The following ALG6 variants were observed in gnomAD, a reference collection of about 807,000 sequenced individuals.
The protein encoded by ALG6 is dolichyl pyrophosphate Man9GlcNAc2 alpha-1,3-glucosyltransferase.
In ALG6, 46 loss-of-function variants were observed where a neutral mutation model predicts 66.6. That is an observed-to-expected ratio of 0.69 (90% confidence interval 0.55 to 0.88). The LOEUF is 0.88. Among genes scored for constraint, ALG6 ranks in the 40% least tolerant of loss-of-function variants. The pLI, the probability that ALG6 is intolerant of heterozygous loss-of-function variation, is 0.00. For missense variants in ALG6, 505 were observed against 586.8 expected, an observed-to-expected ratio of 0.86 and a Z score of 1.44; for synonymous variants, 185 against 203.7, an observed-to-expected ratio of 0.91 and a Z score of 0.78.
At chr1:63,404,044 T>A (rs1644478527) in intron 4 of ALG6, among the ~76,000 whole-genome samples, 1 of 152,242 alleles carries the variant, frequency 6.6e-6, no homozygotes, top group Non-Finnish European at 1.5e-5. Context: ...CAGTGATTTA[T>A]GATTATTATA....
intron 12 of ALG6, among the ~76,000 whole-genome samples, chr1:63,422,146 T>G (rs1404106557): frequency 3.9e-5 from 2 of 51,792 alleles, no homozygotes; most frequent in Admixed American, 6.4e-4. Context: ...TAAATATATA[T>G]AAATATAAAT....
At position 63,402,258 on chromosome 1, in the gene ALG6, T is replaced by G; in HGVS notation, c.172T>G (p.Phe58Val). The G allele has an allele frequency of 6.3e-7, 1 of 1,596,828 alleles. No individual in the cohort carries two copies. The highest frequency in any genetic ancestry group is 8.6e-7 in the Non-Finnish European group (1 of 1,164,610). Residue 58 changes from phenylalanine to valine, a missense_variant, in exon 4 of 15, where the codon TTT becomes GTT. Coordinates refer to ENST00000263440, the MANE Select transcript of ALG6 (RefSeq NM_013339.4). ...TCTTCTTTTTTTCTTTTTCAGGTAT[T>G]TTAACAGCAGTGATAACAATTTACA... ...TFNLPVKQWY[F>V]NSSDNNLQYW...
At chr1:63,385,491 G>A (rs554038586) in intron 2 of ALG6, among the ~76,000 whole-genome samples, 2 of 152,200 alleles carry the variant, frequency 1.3e-5, no homozygotes, top group South Asian at 4.1e-4. Context: ...CATTACAGGC[G>A]TGAGCCACCA....
At chr1:63,368,412 A>G (rs1410718888) in intron 1 of ALG6, among the ~76,000 whole-genome samples, 1 of 152,176 alleles carries the variant, frequency 6.6e-6, no homozygotes, top group Non-Finnish European at 1.5e-5. Context: ...CTGTTCTACA[A>G]GTGGGGAACA....
At chr1:63,424,537 A>C (rs2100436021) in intron 12 of ALG6, among the ~76,000 whole-genome samples, 1 of 151,636 alleles carries the variant, frequency 6.6e-6, no homozygotes, top group Non-Finnish European at 1.5e-5. Flanking sequence ...ATTTGCAAAT[A>C]TTTTCTCCCA....
chr1:63,415,081 G>A (rs1436339915), intron 10 of ALG6, among the ~76,000 whole-genome samples: 1 of 152,188 alleles, frequency 6.6e-6, no homozygotes, highest in Non-Finnish European at 1.5e-5. Context: ...TGAGATGGGT[G>A]TGGCCTCTCT....
intron 7 of ALG6, among the ~76,000 whole-genome samples, chr1:63,408,534 G>A (rs759889626): frequency 3.3e-5 from 5 of 152,156 alleles, no homozygotes; most frequent in Non-Finnish European, 5.9e-5. Context: ...CTTCTTATAA[G>A]TGGAATTGTT....
chr1:63,396,328 C>T (rs1457492408), intron 2 of ALG6, among the ~76,000 whole-genome samples, 185 bp from the exon 3 acceptor site: 2 of 151,934 alleles, frequency 1.3e-5, no homozygotes, highest in Admixed American at 6.6e-5. Flanking sequence ...ATTTGCCCAG[C>T]GTCACTCCAG....
chr1:63,409,776 A>G (rs193174590), intron 7 of ALG6, among the ~76,000 whole-genome samples: 1 of 152,220 alleles, frequency 6.6e-6, no homozygotes. Flanking sequence ...TCTATATATC[A>G]TTGGTCCACT....
At chr1:63,421,910 C>T (rs1019906618) in intron 12 of ALG6, among the ~76,000 whole-genome samples, 1 of 150,432 alleles carries the variant, frequency 6.6e-6, no homozygotes, top group Non-Finnish European at 1.5e-5. Flanking sequence ...GGGAGAAATA[C>T]GTAATGTAGA....
chr1:63,388,511 A>G (rs530625112), intron 2 of ALG6, among the ~76,000 whole-genome samples: 1 of 152,198 alleles, frequency 6.6e-6, no homozygotes, highest in African/African-American at 2.4e-5. Flanking sequence ...TTAACTTTTT[A>G]TTGTTTCTAT....
chr1:63,432,260 G>GT lies in ALG6; in HGVS notation c.1326+3142dup, dbSNP rs57560599. On this transcript the variant is annotated intron_variant, in intron 14 of 14. Coordinates refer to ENST00000263440, the MANE Select transcript of ALG6 (RefSeq NM_013339.4). ...TTTTTCTGCATCTTTGGTCATGTGT[G>GT]TTTTTTTTCTTTTATTCTATTATAT... Among the ~76,000 whole-genome samples the GT allele has an allele frequency of 2.5e-3, 382 of 150,964 alleles. 1 individual carries two copies. The highest frequency in any genetic ancestry group is 4.1e-3 in the Non-Finnish European group (278 of 67,740).
At position 63,411,345 on chromosome 1, in the gene ALG6, A is replaced by T. The variant is rs531280238; in HGVS notation, c.680+14A>T. On this transcript the variant is annotated intron_variant, in intron 8 of 14. Transcript: ENST00000263440. ...CAAAGGAAAGGGGTGAGTGACTTTT[A>T]AACACTAGAATCCAAAAATTTACTT... 35 of 1,611,114 alleles carry T rather than the reference A, an allele frequency of 2.2e-5. No homozygotes were observed. The highest frequency in any genetic ancestry group is 2.9e-5 in the Non-Finnish European group (34 of 1,178,818).
chr1:63,389,259 CT>C (rs1363085057), intron 2 of ALG6, among the ~76,000 whole-genome samples: 2 of 152,050 alleles, frequency 1.3e-5, no homozygotes, highest in Non-Finnish European at 2.9e-5. Context: ...AGGCATGCTT[CT>C]TTTGTCATTC....
intron 2 of ALG6, among the ~76,000 whole-genome samples, chr1:63,385,204 T>C (rs1418125117): frequency 1.2e-4 from 15 of 120,862 alleles, no homozygotes; most frequent in South Asian, 3.0e-4. Flanking sequence ...TTTTTTTTTT[T>C]TTTTTTTTTT....
chr1:63,369,926 C>T (rs779130842), intron 1 of ALG6, among the ~76,000 whole-genome samples: 18 of 151,888 alleles, frequency 1.2e-4, no homozygotes, highest in Admixed American at 2.0e-4. Context: ...TGAAGCGATT[C>T]TCCTGCCTCA....
Position 63,437,392 on chromosome 1 carries a change from C to T in ALG6, c.*372C>T. The T allele has an allele frequency of 3.8e-6, 1 of 261,492 alleles. No homozygotes were observed. The highest frequency in any genetic ancestry group is 7.5e-6 in the Non-Finnish European group (1 of 133,994). The allele number at this position is 261,492 out of a possible 1,614,324, so 16.2% of individuals were successfully genotyped here. A position where few individuals can be genotyped will look rare whatever the true frequency, so the allele number is the denominator to read the frequency against. ...TTGCTTTGTCTAAACCTACTTCCTTCATCAGACCATATAGTGAGCTTCATG... is the reference window on the plus strand; with the variant it reads ...TTGCTTTGTCTAAACCTACTTCCTTTATCAGACCATATAGTGAGCTTCATG... On this transcript the variant is annotated 3_prime_UTR_variant, in exon 15 of 15. Transcript: ENST00000263440.
chr1:63,426,390 C>T (rs1240191328), intron 12 of ALG6, among the ~76,000 whole-genome samples: 1 of 152,098 alleles, frequency 6.6e-6, no homozygotes, highest in Admixed American at 6.6e-5. Flanking sequence ...AGGAGAGAGC[C>T]AGGCATTGTT....
At chr1:63,410,697 C>A in intron 7 of ALG6, among the ~76,000 whole-genome samples, 1 of 152,014 alleles carries the variant, frequency 6.6e-6, no homozygotes, top group East Asian at 1.9e-4. Context: ...TTGTTAGTTT[C>A]TAATTAAGTA....
Sources: allele counts gnomAD v4.1 joint callset (sites outside exome capture counted in the v4.1 genomes callset), GRCh38; gene constraint gnomAD v4.1.1; transcripts MANE v1.5; gene names NCBI Gene and HGNC (gene_info 2026-07-23, HGNC 2026-07-21).